NME7: variants seen among roughly 807,000 people sequenced by gnomAD.
NME7 encodes NME/NM23 family member 7, also known as nucleoside diphosphate kinase 7.
Under a neutral mutation model 49.1 loss-of-function variants are expected in NME7, and 41 were observed. The observed-to-expected ratio is 0.83, with a 90% confidence interval of 0.65 to 1.08. The LOEUF is 1.08. Ranked by LOEUF, NME7 falls within the 50% of genes least tolerant of loss-of-function variation. The pLI, the probability that NME7 is intolerant of heterozygous loss-of-function variation, is 0.00. For missense variants in NME7, 423 were observed against 463.4 expected (o/e 0.91, Z 0.80); for synonymous variants, 139 against 150.6 (o/e 0.92, Z 0.56).
At chr1:169,243,425 A>G (rs1648174235) in intron 7 of NME7, among the ~76,000 whole-genome samples, 1 of 152,200 alleles carries the variant, frequency 6.6e-6, no homozygotes, top group Non-Finnish European at 1.5e-5. Context: ...TCATCTATAC[A>G]TGGTGTAAGC....
chr1:169,323,873 C>G (rs1651953570), intron 2 of NME7, among the ~76,000 whole-genome samples: 1 of 113,788 alleles, frequency 8.8e-6, no homozygotes, highest in African/African-American at 3.4e-5. Flanking sequence ...AGACAAGAGT[C>G]TCATGCAGTC....
intron 1 of NME7, among the ~76,000 whole-genome samples, chr1:169,332,396 G>C (rs547371577): frequency 5.3e-5 from 8 of 152,248 alleles, no homozygotes; most frequent in African/African-American, 1.9e-4. Context: ...AAAATCTCTA[G>C]GACATTGGTC....
chr1:169,359,396 T>A (rs181955063), intron 1 of NME7, among the ~76,000 whole-genome samples: 38 of 152,036 alleles, frequency 2.5e-4, no homozygotes, highest in Non-Finnish European at 4.1e-4. Flanking sequence ...GCAAAAGATA[T>A]ATTAAGTGGG....
At chr1:169,210,762 T>G (rs1464799753) in intron 10 of NME7, among the ~76,000 whole-genome samples, 1 of 152,142 alleles carries the variant, frequency 6.6e-6, no homozygotes, top group African/African-American at 2.4e-5. Flanking sequence ...GAGGAGGTTC[T>G]GTAATCAGAG....
At chr1:169,215,461 G>A (rs1344282850) in intron 10 of NME7, among the ~76,000 whole-genome samples, 1 of 152,126 alleles carries the variant, frequency 6.6e-6, no homozygotes, top group Non-Finnish European at 1.5e-5. Flanking sequence ...TGGCTTGAAG[G>A]TGAGGCTTCA....
chr1:169,246,385 G>A (rs1047834408), intron 7 of NME7, among the ~76,000 whole-genome samples: 1 of 152,168 alleles, frequency 6.6e-6, no homozygotes, highest in Admixed American at 6.5e-5. Flanking sequence ...AAGGCACTTA[G>A]GTCTTAATGG....
intron 10 of NME7, among the ~76,000 whole-genome samples, chr1:169,222,014 T>A (rs900691959): frequency 2.0e-5 from 3 of 152,074 alleles, no homozygotes; most frequent in Non-Finnish European, 4.4e-5. Context: ...TCCTCCCACC[T>A]CAACCTTCCA....
intron 7 of NME7, among the ~76,000 whole-genome samples, chr1:169,264,085 A>G (rs1649243529): frequency 7.5e-6 from 1 of 133,896 alleles, no homozygotes; most frequent in South Asian, 2.3e-4. Flanking sequence ...GCCTTATAAG[A>G]GCTCCTGAGA....
At chr1:169,196,882 C>T (rs1363745496) in intron 10 of NME7, among the ~76,000 whole-genome samples, 1 of 152,068 alleles carries the variant, frequency 6.6e-6, no homozygotes, top group Non-Finnish European at 1.5e-5. Flanking sequence ...GGATGCAGTC[C>T]TCTTGTATAT....
chr1:169,139,820 G>A (rs1382879123), intron 11 of NME7, among the ~76,000 whole-genome samples: 1 of 152,170 alleles, frequency 6.6e-6, no homozygotes, highest in African/African-American at 2.4e-5. Context: ...ATGAACAGCA[G>A]AGGCAGACTA....
intron 1 of NME7, among the ~76,000 whole-genome samples, chr1:169,356,084 T>A (rs1653459954): frequency 6.6e-6 from 1 of 152,190 alleles, no homozygotes; most frequent in Non-Finnish European, 1.5e-5. Flanking sequence ...AGTGGAAAGT[T>A]ACCTTCCTTT....
At chr1:169,185,202 G>GT (rs1465690877) in intron 10 of NME7, among the ~76,000 whole-genome samples, 4 of 152,140 alleles carry the variant, frequency 2.6e-5, no homozygotes, top group African/African-American at 7.2e-5. Context: ...TCCACTGTTT[G>GT]TAAGTCCAAC....
At chr1:169,199,450 T>TTTATTATTATTA (rs150975177) in intron 10 of NME7, among the ~76,000 whole-genome samples, 2 of 111,556 alleles carry the variant, frequency 1.8e-5, no homozygotes, top group African/African-American at 6.7e-5. Flanking sequence ...CAGGGTCTTT[T>TTTATTATTATTA]TTATTATTAT....
At chr1:169,168,927 G>A (rs906356315) in intron 11 of NME7, 8 of 455,434 alleles carry the variant, frequency 1.8e-5, no homozygotes, top group African/African-American at 1.6e-4. Context: ...GAATATATAA[G>A]TGGACCAGCA....
chr1:169,265,893 C>T (rs1310252428), intron 7 of NME7, among the ~76,000 whole-genome samples: 1 of 132,372 alleles, frequency 7.6e-6, no homozygotes, highest in African/African-American at 2.5e-5. Context: ...TGGACATGTA[C>T]ATCCTCCCAA....
chr1:169,289,068 C>T (rs12121994), intron 6 of NME7, among the ~76,000 whole-genome samples: 47,851 of 151,986 alleles, frequency 0.31, 8,398 homozygotes, highest in East Asian at 0.67. Context: ...TTTAAATCCA[C>T]AACCAATTAG....
At chr1:169,245,320 C>T (rs1008113520) in intron 7 of NME7, among the ~76,000 whole-genome samples, 43 of 152,092 alleles carry the variant, frequency 2.8e-4, no homozygotes, top group African/African-American at 9.7e-4. Flanking sequence ...ACCCTACTCA[C>T]GAGCATGAGA....
intron 4 of NME7, among the ~76,000 whole-genome samples, chr1:169,305,467 A>G (rs1449843214): frequency 6.6e-6 from 1 of 152,248 alleles, no homozygotes; most frequent in Non-Finnish European, 1.5e-5. Context: ...AAACAATTTT[A>G]GAAAAGATGC....
At chr1:169,303,522 G>A (rs866914741) in intron 4 of NME7, 47 of 152,404 alleles carry the variant, frequency 3.1e-4, no homozygotes, top group Non-Finnish European at 5.0e-4. Flanking sequence ...CGATCTTGGC[G>A]CTCGCTACAA....
Sources: gnomAD v4.1 joint callset for allele counts (sites outside exome capture counted in the v4.1 genomes callset) on GRCh38, gnomAD v4.1.1 for gene constraint, MANE v1.5 for transcripts, NCBI Gene and HGNC (gene_info 2026-07-23, HGNC 2026-07-21) for gene names.